The following PMFBP1 variants were observed in gnomAD, a reference collection of about 807,000 sequenced individuals.
PMFBP1 encodes polyamine-modulated factor 1-binding protein 1.
PMFBP1 carries 131 observed loss-of-function variants against 137.8 expected under a neutral mutation model. The ratio of observed to expected loss-of-function variants is 0.95; its 90% CI spans 0.82 to 1.10. The LOEUF is 1.10. PMFBP1 is among the 50% of genes least tolerant of loss of function. The probability of loss-of-function intolerance (pLI) is 0.00; values close to 1 mark genes in which losing one functional copy is unlikely to be tolerated. For missense variants in PMFBP1, 1,199 were observed against 1,175.4 expected (o/e 1.02, Z -0.29); for synonymous variants, 490 against 450.4 (o/e 1.09, Z -1.11).
chr16:72,240,493 T>G, the PMFBP1 span, among the ~76,000 whole-genome samples: 1 of 152,264 alleles, frequency 6.6e-6, no homozygotes, highest in African/African-American at 2.4e-5. Flanking sequence ...AGATGTTCGT[T>G]AGCATTTTGG....
the PMFBP1 span, among the ~76,000 whole-genome samples, chr16:72,210,277 A>G: frequency 6.6e-6 from 1 of 152,196 alleles, no homozygotes; most frequent in East Asian, 1.9e-4. Context: ...CCAGCAGGAG[A>G]GTAGGAGGAG....
intron 5 of PMFBP1, among the ~76,000 whole-genome samples, chr16:72,147,471 C>A (rs1375596311): frequency 6.6e-6 from 1 of 152,166 alleles, no homozygotes; most frequent in Non-Finnish European, 1.5e-5. Context: ...CGGGCAAAGA[C>A]TTCATGACTA....
the PMFBP1 span, among the ~76,000 whole-genome samples, chr16:72,225,687 G>A: frequency 4.8e-5 from 7 of 146,320 alleles, no homozygotes; most frequent in African/African-American, 1.3e-4. Flanking sequence ...CACTCCAGCC[G>A]GGATGACAGA....
upstream of PMFBP1, among the ~76,000 whole-genome samples, chr16:72,172,977 T>C (rs2043235229): frequency 6.6e-6 from 1 of 152,208 alleles, no homozygotes; most frequent in Non-Finnish European, 1.5e-5. Context: ...GGTATGCCTG[T>C]ACTGGCGAAC....
intron 3 of PMFBP1, among the ~76,000 whole-genome samples, chr16:72,161,740 T>G (rs2043065721): frequency 2.6e-5 from 4 of 152,154 alleles, no homozygotes. Context: ...CTTTATTGGA[T>G]TTCACCAGTT....
chr16:72,188,583 G>T, the PMFBP1 span, among the ~76,000 whole-genome samples: 1 of 152,200 alleles, frequency 6.6e-6, no homozygotes, highest in East Asian at 1.9e-4. Context: ...CACAGAGAAG[G>T]AAACAGGTAT....
the PMFBP1 span, among the ~76,000 whole-genome samples, chr16:72,237,175 C>G: frequency 1.3e-5 from 2 of 152,192 alleles, no homozygotes; most frequent in African/African-American, 2.4e-5. Context: ...CACTGATTCA[C>G]AGCCAACTCT....
chr16:72,146,639 C>T (rs1010540135), intron 5 of PMFBP1, among the ~76,000 whole-genome samples: 2 of 152,106 alleles, frequency 1.3e-5, no homozygotes, highest in Non-Finnish European at 2.9e-5. Context: ...CGTCTCAGCC[C>T]CAAATCTCTT....
the PMFBP1 span, among the ~76,000 whole-genome samples, chr16:72,235,736 T>TA: frequency 2.0e-5 from 3 of 151,610 alleles, no homozygotes; most frequent in Admixed American, 6.6e-5. Context: ...TTCCCAAGTT[T>TA]AAAAAAAATA....
At chr16:72,193,819 C>T in the PMFBP1 span, among the ~76,000 whole-genome samples, 23 of 152,148 alleles carry the variant, frequency 1.5e-4, no homozygotes, top group African/African-American at 1.9e-4. Flanking sequence ...CATATGTGCC[C>T]GGCTCCAGTC....
upstream of PMFBP1, among the ~76,000 whole-genome samples, chr16:72,178,798 G>A (rs1437248354): frequency 6.6e-6 from 1 of 152,072 alleles, no homozygotes; most frequent in African/African-American, 2.4e-5. Context: ...ATGGAGTCAG[G>A]GCTCACATTT....
intron 5 of PMFBP1, among the ~76,000 whole-genome samples, chr16:72,148,872 T>C (rs2042855786): frequency 6.6e-6 from 1 of 152,158 alleles, no homozygotes; most frequent in South Asian, 2.1e-4. Flanking sequence ...GAAAACTGCT[T>C]TGCCCAAGGC....
At chr16:72,204,629 C>T in the PMFBP1 span, among the ~76,000 whole-genome samples, 1 of 152,190 alleles carries the variant, frequency 6.6e-6, no homozygotes, top group African/African-American at 2.4e-5. Context: ...TACACGATGA[C>T]ATTCCTGAAC....
chr16:72,174,804 C>T (rs2043251779), upstream of PMFBP1, among the ~76,000 whole-genome samples: 1 of 152,158 alleles, frequency 6.6e-6, no homozygotes, highest in South Asian at 2.1e-4. Context: ...TGGGGGAAAA[C>T]ACCCCATGAT....
chr16:72,221,511 T>C, the PMFBP1 span, among the ~76,000 whole-genome samples: 1 of 152,174 alleles, frequency 6.6e-6, no homozygotes, highest in African/African-American at 2.4e-5. Flanking sequence ...GTGAATATTT[T>C]AGGATACAAA....
chr16:72,212,479 A>G, the PMFBP1 span, among the ~76,000 whole-genome samples: 1 of 141,500 alleles, frequency 7.1e-6, no homozygotes, highest in African/African-American at 2.8e-5. Context: ...AACGGGTTGT[A>G]TTGGAAAAAA....
At chr16:72,184,113 G>A in the PMFBP1 span, among the ~76,000 whole-genome samples, 19 of 152,032 alleles carry the variant, frequency 1.2e-4, no homozygotes, top group Non-Finnish European at 7.4e-5. Context: ...CGGCTCCTTC[G>A]CTTCCTTGGC....
the PMFBP1 span, among the ~76,000 whole-genome samples, chr16:72,184,500 C>A: frequency 1.1e-3 from 174 of 152,316 alleles, 2 homozygotes; most frequent in East Asian, 0.029. Flanking sequence ...CAATTCTGAG[C>A]ACTTCACTAT....
chr16:72,134,179 C>G (rs1007527356), intron 9 of PMFBP1, among the ~76,000 whole-genome samples: 2 of 152,096 alleles, frequency 1.3e-5, no homozygotes, highest in African/African-American at 4.8e-5. Context: ...ATGTTCACTC[C>G]TGCCTGCTCT....
Sources: allele counts gnomAD v4.1 joint callset (sites outside exome capture counted in the v4.1 genomes callset), GRCh38; gene constraint gnomAD v4.1.1; transcripts MANE v1.5; gene names NCBI Gene and HGNC (gene_info 2026-07-23, HGNC 2026-07-21).